The following DMBT1 variants were observed in gnomAD, a reference collection of about 807,000 sequenced individuals.
DMBT1 encodes the protein scavenger receptor cysteine-rich domain-containing protein DMBT1.
In DMBT1, 198 loss-of-function variants were observed where a neutral mutation model predicts 252.9. The observed-to-expected ratio is 0.78, with a 90% CI of 0.70 to 0.88. The LOEUF (loss-of-function observed/expected upper bound fraction) is 0.88. Among genes scored for constraint, DMBT1 ranks in the 40% least tolerant of loss-of-function variants. The pLI, the probability that DMBT1 is intolerant of heterozygous loss-of-function variation, is 0.00. For missense variants in DMBT1, 2,432 were observed against 2,404.7 expected (o/e 1.01, Z -0.24); for synonymous variants, 990 against 942.7 (o/e 1.05, Z -0.92).
At chr10:122,585,044 G>T (rs1480639805) in intron 14 of DMBT1, among the ~76,000 whole-genome samples, 1 of 148,610 alleles carries the variant, frequency 6.7e-6, no homozygotes, top group African/African-American at 2.4e-5. Context: ...CTGAGAAGAG[G>T]ACATCCCACA....
At chr10:122,597,842 C>T in intron 24 of DMBT1, 132 bp from the exon 25 acceptor site, 2 of 1,363,726 alleles carry the variant, frequency 1.5e-6, no homozygotes, top group South Asian at 1.2e-5. Flanking sequence ...CTTGGGCAGA[C>T]ACATGGGGAG....
chr10:122,572,264 C>T (rs1473624319), intron 4 of DMBT1, 50 bp from the exon 5 acceptor site: 1 of 1,610,574 alleles, frequency 6.2e-7, no homozygotes, highest in East Asian at 2.2e-5. Context: ...GACCAACCCT[C>T]TTCAAGCAAG....
rs545733226 is a variant in DMBT1, at chr10:122,621,239, C to A, written c.5467C>A (p.Arg1823=). 2 of 1,613,692 alleles carry A rather than the reference C, an allele frequency of 1.2e-6. No homozygotes were observed. Among genetic ancestry groups the A allele is most frequent in the Non-Finnish European group, 1.7e-6 (2 of 1,179,780 alleles). The change falls in exon 44 of 56, where the codon CGG becomes AGG. Residue 1823 remains arginine (R), a synonymous_variant. Coordinates refer to ENST00000338354, the MANE Select transcript of DMBT1 (RefSeq NM_001377530.1). ...GWAMSAPGNA[R]FGQGSGPIVL... is the part of the protein sequence containing the mutation. ...GGCCATGTCGGCCCCAGGAAATGCC[C>A]GGTTTGGCCAGGGCTCAGGACCCAT...
chr10:122,625,396 CT>C (rs2098111526), intron 45 of DMBT1, 93 bp downstream of exon 45: 1 of 1,234,552 alleles, frequency 8.1e-7, no homozygotes. Flanking sequence ...TAGACTCCCC[CT>C]GGGGGGGTAA....
At chr10:122,637,515 A>C (rs4254006) in intron 54 of DMBT1, among the ~76,000 whole-genome samples, 14,528 of 152,220 alleles carry the variant, frequency 0.095, 761 homozygotes, top group South Asian at 0.19. Context: ...GCTGAGCAGA[A>C]AGAGTATCTC....
At chr10:122,617,841 G>A (rs2098011472) in intron 40 of DMBT1, among the ~76,000 whole-genome samples, 176 bp from the exon 41 acceptor site, 1 of 151,554 alleles carries the variant, frequency 6.6e-6, no homozygotes, top group South Asian at 2.1e-4. Context: ...AGGCAGCATA[G>A]TGTATCACCT....
Position 122,589,378 on chromosome 10 carries a change from C to T in DMBT1, c.2107+111C>T. On this transcript the variant is annotated intron_variant, in intron 17 of 55. Transcript: ENST00000338354. ...AGCTTTTTCAACCTTTCCTATGTTT[C>T]TGATATCTCCTTAGCTCTCTTCTAG... 3.4e-6 allele frequency: 5 copies of T among 1,473,152 alleles called. 2 individuals are homozygous for T. The South Asian group carries it at 6.9e-5, about 20-fold the overall frequency. 91.3% of individuals were successfully genotyped at this position (1,473,152 alleles called of 1,614,324 possible). A position where few individuals can be genotyped will look rare whatever the true frequency, so the allele number is the denominator to read the frequency against.
intron 2 of DMBT1, among the ~76,000 whole-genome samples, chr10:122,567,518 C>T (rs1464523852): frequency 6.6e-6 from 1 of 152,142 alleles, no homozygotes; most frequent in Non-Finnish European, 1.5e-5. Context: ...AACCTGCCCC[C>T]TCCCTTTGCA....
In DMBT1 at chr10:122,618,156, G is replaced by T. The variant is rs1248319604; in HGVS notation, c.5031G>T (p.Arg1677Ser). The T allele has an allele frequency of 6.2e-7, 1 of 1,613,982 alleles. No homozygotes were observed. Among genetic ancestry groups the T allele is most frequent in the Non-Finnish European group, 8.5e-7 (1 of 1,179,882 alleles). Residue 1677 changes from arginine to serine, a missense_variant, in exon 41 of 56, where the codon AGG (arginine) becomes AGT (serine). Physicochemically the swap from Arg to Ser is moderately radical, Grantham distance 110. Around this residue, in one of 3 missense-constraint regions of DMBT1, gnomAD observed 1,162 missense variants for 1,169.0 expected, o/e 0.99. Coordinates refer to ENST00000338354, the MANE Select transcript of DMBT1 (RefSeq NM_001377530.1). ...WDTNDANVVCRQLGCGWAMSA... is the reference protein window; with the variant it reads ...WDTNDANVVCSQLGCGWAMSA... ...CCAATGATGCCAACGTGGTCTGCAGGCAGCTGGGCTGTGGCTGGGCCATGT... is the reference window on the plus strand; with the variant it reads ...CCAATGATGCCAACGTGGTCTGCAGTCAGCTGGGCTGTGGCTGGGCCATGT...
chr10:122,590,023 G>C (rs1260401704), intron 17 of DMBT1, among the ~76,000 whole-genome samples: 1 of 148,554 alleles, frequency 6.7e-6, no homozygotes, highest in African/African-American at 2.4e-5. Context: ...GAGGTGGATG[G>C]AGCACATATA....
Position 122,643,638 on chromosome 10 carries a change from C to G in DMBT1, c.*240C>G, listed in dbSNP as rs917929690. ...TGGATGGCCCATAGACCTGACGTCC[C>G]AGAATCCATGCTTCTCATCTGCAAA... On this transcript the variant is annotated 3_prime_UTR_variant, in exon 56 of 56. Coordinates refer to ENST00000338354, the MANE Select transcript of DMBT1 (RefSeq NM_001377530.1). 100 of 564,068 alleles carry G rather than the reference C, an allele frequency of 1.8e-4. No homozygotes were observed. The highest frequency in any genetic ancestry group is 1.0e-3 in the Admixed American group (34 of 32,910). 34.9% of individuals were successfully genotyped at this position (564,068 alleles called of 1,614,324 possible).
chr10:122,570,247 C>T (rs746987183), intron 3 of DMBT1, 38 bp downstream of exon 3: 1 of 1,412,228 alleles, frequency 7.1e-7, no homozygotes, highest in South Asian at 1.2e-5. Flanking sequence ...GGGCTCATTA[C>T]CCCACTGCAC....
At chr10:122,571,040 C>T in intron 4 of DMBT1, 103 bp downstream of exon 4, 1 of 1,398,762 alleles carries the variant, frequency 7.1e-7, no homozygotes, top group African/African-American at 1.4e-5. Flanking sequence ...AGGTAGGGTG[C>T]TGGTGTCATG....
At chr10:122,633,125 A>G in intron 51 of DMBT1, 66 bp from the exon 52 acceptor site, 1 of 1,556,502 alleles carries the variant, frequency 6.4e-7, no homozygotes, top group Non-Finnish European at 8.6e-7. Context: ...AATTTAAAGT[A>G]GTCCGCAGGT....
At chr10:122,566,868 G>A (rs1023849794) in intron 2 of DMBT1, among the ~76,000 whole-genome samples, 3 of 152,118 alleles carry the variant, frequency 2.0e-5, no homozygotes, top group Admixed American at 2.0e-4. Flanking sequence ...GGAAAACCAG[G>A]GCACAGTTAG....
intron 3 of DMBT1, 53 bp from the exon 4 acceptor site, chr10:122,570,837 C>G: frequency 6.3e-7 from 1 of 1,594,806 alleles, no homozygotes; most frequent in Non-Finnish European, 8.6e-7. Flanking sequence ...ATGGACCAAC[C>G]CTCCCCAAAC....
chr10:122,586,717 G>A lies in DMBT1; in HGVS notation c.1783+334G>A, dbSNP rs571410923. On this transcript the variant is annotated intron_variant, in intron 16 of 55. Coordinates refer to ENST00000338354, the MANE Select transcript of DMBT1 (RefSeq NM_001377530.1). ...GGGCCAGGTTGTTCATGAAGATAGA[G>A]GTTGATTTGGGTCTTGGGTCTTTGC... is the stretch of plus-strand genomic sequence containing the variant. Among the ~76,000 whole-genome samples the A allele has an allele frequency of 4.6e-4, 68 of 148,666 alleles. 1 individual carries two copies. Among genetic ancestry groups the A allele is most frequent in the African/African-American group, 1.6e-3 (66 of 41,234 alleles).
rs757120801 is a variant in DMBT1, at chr10:122,592,450, T to A, written c.2355T>A (p.Asn785Lys). Residue 785 changes from asparagine to lysine, a missense_variant, in exon 20 of 56, where the codon AAT becomes AAA. Physicochemically the swap from Asn to Lys is moderately conservative, Grantham distance 94 (BLOSUM62 0). This residue lies in a region of DMBT1 where 1,264 missense variants were observed against 1,082.2 expected (regional missense o/e 1.17). Transcript: ENST00000338354. ...GCGWATSAPG[N>K]ARFGQGSGPI... ...GCTGGGCCACGTCGGCCCCAGGAAA[T>A]GCCCGGTTTGGCCAGGGCTCAGGAC... 259 of 1,588,058 alleles carry A rather than the reference T, an allele frequency of 1.6e-4. 30 individuals carry two copies. The highest frequency in any genetic ancestry group is 2.1e-4 in the Non-Finnish European group (244 of 1,165,682).
chr10:122,597,999 T>A lies in DMBT1; in HGVS notation c.2943T>A (p.Pro981=). Residue 981 remains proline (P), a synonymous_variant, in exon 25 of 56, where the codon CCT becomes CCA. Transcript: ENST00000338354. ...ACACATTGCCGACCATCACCTTGCC[T>A]GCATCGACAGTAGGTAAATATTCCT... ...SPDTLPTITL[P]ASTVGSESSL... is the part of the protein sequence containing the mutation. The A allele has an allele frequency of 6.2e-7, 1 of 1,613,942 alleles. No individual in the cohort carries two copies. The highest frequency in any genetic ancestry group is 8.5e-7 in the Non-Finnish European group (1 of 1,179,842).
Sources: gnomAD v4.1 joint callset for allele counts (sites outside exome capture counted in the v4.1 genomes callset) on GRCh38, gnomAD v4.1.1 for gene constraint, gnomAD v4.1.1 regional missense constraint, MANE v1.5 for transcripts, NCBI Gene and HGNC (gene_info 2026-07-23, HGNC 2026-07-21) for gene names.